The following CLIC5 variants were observed in gnomAD, a reference collection of about 807,000 sequenced individuals.
CLIC5 encodes CLIC family member 5.
CLIC5 carries 20 observed loss-of-function variants against 24.7 expected under a neutral mutation model. That is an observed-to-expected ratio of 0.81 (90% CI 0.57 to 1.18). The LOEUF (loss-of-function observed/expected upper bound fraction) is 1.18, where lower values mean the gene tolerates loss of function less well. Ranked by LOEUF, CLIC5 falls within the 50% of genes most tolerant of loss-of-function variation. The probability of loss-of-function intolerance (pLI) is 0.00; values close to 1 mark genes in which losing one functional copy is unlikely to be tolerated. For missense variants in CLIC5, 341 were observed against 326.1 expected (o/e 1.05, Z -0.35); for synonymous variants, 159 against 135.6 (o/e 1.17, Z -1.20).
intron 1 of CLIC5, among the ~76,000 whole-genome samples, chr6:46,000,195 T>A (rs1399115488): frequency 6.6e-6 from 1 of 152,212 alleles, no homozygotes; most frequent in Admixed American, 6.5e-5. Context: ...TATTAGTAGT[T>A]AAGATTTTAG....
intron 4 of CLIC5, among the ~76,000 whole-genome samples, chr6:45,925,941 G>A (rs1763466313): frequency 6.6e-6 from 1 of 152,064 alleles, no homozygotes; most frequent in African/African-American, 2.4e-5. Context: ...TCTGCCAAAC[G>A]ACTCAGGTAG....
At chr6:45,962,618 T>C (rs530719848) in intron 1 of CLIC5, among the ~76,000 whole-genome samples, 1 of 152,286 alleles carries the variant, frequency 6.6e-6, no homozygotes, top group South Asian at 2.1e-4. Context: ...TTTTACTTGA[T>C]TCAGGTAACC....
At chr6:45,886,057 C>A (rs989953284) in intron 6 of CLIC5, among the ~76,000 whole-genome samples, 7 of 152,274 alleles carry the variant, frequency 4.6e-5, no homozygotes, top group African/African-American at 1.7e-4. Flanking sequence ...GATGAAACCC[C>A]AAATGAGCTC....
chr6:46,076,497 G>A (rs1162719356), intron 1 of CLIC5, among the ~76,000 whole-genome samples: 1 of 152,164 alleles, frequency 6.6e-6, no homozygotes, highest in Non-Finnish European at 1.5e-5. Context: ...GATGGAAACA[G>A]GGCGAGAAGA....
intron 1 of CLIC5, among the ~76,000 whole-genome samples, chr6:45,979,016 C>T (rs909969695): frequency 6.6e-6 from 1 of 151,368 alleles, no homozygotes; most frequent in East Asian, 1.9e-4. Context: ...AGCTCAACAG[C>T]CAGAGTTTGA....
upstream of CLIC5, among the ~76,000 whole-genome samples, chr6:46,083,071 G>A (rs539663778): frequency 2.0e-5 from 3 of 152,316 alleles, no homozygotes; most frequent in African/African-American, 7.2e-5. Context: ...TACGTTTCAC[G>A]AGAACAAGGC....
At chr6:45,966,985 C>A (rs1052653595) in intron 1 of CLIC5, among the ~76,000 whole-genome samples, 1 of 152,322 alleles carries the variant, frequency 6.6e-6, no homozygotes, top group Non-Finnish European at 1.5e-5. Flanking sequence ...GGTACAGAAA[C>A]CCTAGTCACT....
At chr6:46,044,035 C>T (rs1214924380) in intron 1 of CLIC5, among the ~76,000 whole-genome samples, 1 of 152,142 alleles carries the variant, frequency 6.6e-6, no homozygotes, top group Non-Finnish European at 1.5e-5. Context: ...AGAAAAGAAA[C>T]AACTACAATG....
At chr6:45,948,471 T>C (rs1232865128) in intron 3 of CLIC5, among the ~76,000 whole-genome samples, 1 of 152,188 alleles carries the variant, frequency 6.6e-6, no homozygotes, top group Non-Finnish European at 1.5e-5. Flanking sequence ...TTAATCCCTT[T>C]CAGAATATCC....
intron 1 of CLIC5, among the ~76,000 whole-genome samples, chr6:45,979,257 A>G (rs1212836782): frequency 2.6e-5 from 4 of 152,196 alleles, no homozygotes; most frequent in Non-Finnish European, 4.4e-5. Flanking sequence ...CTGAAGACCA[A>G]TCTTCAAAGT....
intron 1 of CLIC5, among the ~76,000 whole-genome samples, chr6:46,079,130 C>A (rs1256873677): frequency 6.6e-6 from 1 of 152,068 alleles, no homozygotes; most frequent in African/African-American, 2.4e-5. Context: ...CAAAGATCAC[C>A]AAGGTTCTGT....
intron 4 of CLIC5, 143 bp downstream of exon 4, chr6:45,941,404 G>GC (rs1471859577): frequency 2.9e-6 from 2 of 679,488 alleles, no homozygotes; most frequent in Non-Finnish European, 2.6e-6. Context: ...GGTGGTGGCG[G>GC]GGGGTGGGGG....
At chr6:45,953,413 G>C (rs1469237220) in intron 2 of CLIC5, among the ~76,000 whole-genome samples, 1 of 152,102 alleles carries the variant, frequency 6.6e-6, no homozygotes, top group Non-Finnish European at 1.5e-5. Context: ...ATGGGTATGA[G>C]TAGGCCTTAC....
intron 1 of CLIC5, among the ~76,000 whole-genome samples, chr6:46,068,575 C>T (rs1457334322): frequency 2.0e-5 from 3 of 152,010 alleles, no homozygotes; most frequent in East Asian, 1.9e-4. Context: ...TGTTATGGCC[C>T]GAATTGTATA....
chr6:45,921,385 C>T (rs949221115), intron 4 of CLIC5, among the ~76,000 whole-genome samples: 5 of 151,984 alleles, frequency 3.3e-5, no homozygotes, highest in African/African-American at 9.7e-5. Flanking sequence ...TCGAGTATGT[C>T]GGGGAGCCAT....
At chr6:46,073,472 TTAA>T (rs1184813841) in intron 1 of CLIC5, among the ~76,000 whole-genome samples, 3 of 152,222 alleles carry the variant, frequency 2.0e-5, no homozygotes, top group African/African-American at 4.8e-5. Flanking sequence ...AGATACAGTG[TTAA>T]TGATATATGA....
intron 4 of CLIC5, among the ~76,000 whole-genome samples, chr6:45,941,075 C>T (rs1764112748): frequency 6.6e-6 from 1 of 152,200 alleles, no homozygotes; most frequent in African/African-American, 2.4e-5. Context: ...CAGCCCAGGT[C>T]TGCCTTCCAC....
At chr6:46,124,064 C>T in the CLIC5 span, among the ~76,000 whole-genome samples, 8 of 152,260 alleles carry the variant, frequency 5.3e-5, no homozygotes, top group East Asian at 7.7e-4. Flanking sequence ...ACTTTCTTCA[C>T]AGAATTGGAA....
intron 1 of CLIC5, among the ~76,000 whole-genome samples, chr6:46,008,433 C>T (rs1462418406): frequency 6.6e-6 from 1 of 152,162 alleles, no homozygotes; most frequent in Non-Finnish European, 1.5e-5. Flanking sequence ...CTGGTCCCAT[C>T]ATATGCATGA....
Sources: gnomAD v4.1 joint callset for allele counts (sites outside exome capture counted in the v4.1 genomes callset) on GRCh38, gnomAD v4.1.1 for gene constraint, MANE v1.5 for transcripts, NCBI Gene and HGNC (gene_info 2026-07-23, HGNC 2026-07-21) for gene names.